DAPK2: variants seen among roughly 807,000 people sequenced by gnomAD.
DAPK2 encodes death associated protein kinase 2, also known as death-associated protein kinase 2.
A neutral mutation model predicts 44.1 loss-of-function variants in DAPK2; 35 were observed. The observed-to-expected ratio is 0.79, with a 90% confidence interval of 0.61 to 1.05. DAPK2 has a LOEUF of 1.05. Ranked by LOEUF, DAPK2 falls within the 50% of genes least tolerant of loss-of-function variation. The probability of loss-of-function intolerance (pLI) is 0.00; values close to 1 mark genes in which losing one functional copy is unlikely to be tolerated. For missense variants in DAPK2, 453 were observed against 483.2 expected, an observed-to-expected ratio of 0.94 and a Z score of 0.59; for synonymous variants, 174 against 182.6, an observed-to-expected ratio of 0.95 and a Z score of 0.38.
chr15:64,042,793 G>T (rs968654), upstream of DAPK2, among the ~76,000 whole-genome samples: 29,953 of 152,128 alleles, frequency 0.2, 3,044 homozygotes, highest in South Asian at 0.25. This position sits in a 1 kb window ranked among gnomAD's most constrained non-coding sequence, Gnocchi z 4.7. Context: ...CCTTGCCAGG[G>T]GAGGCCCAGC....
In DAPK2 at chr15:63,939,279, T is replaced by A; in HGVS notation, c.536A>T (p.Glu179Val). ...AATATTCTTAAATTCAACTCCATCT[T>A]CTATTTCGTGAGCCAGACCAAAGTC... Residue 179 changes from glutamate to valine, a missense_variant, in exon 4 of 11, where the codon GAA (glutamate) becomes GTA (valine). Glu to Val is a moderately radical substitution (Grantham distance 121, BLOSUM62 -2). Transcript: ENST00000261891. This position sits in a 1 kb window ranked among gnomAD's most constrained non-coding sequence, Gnocchi z 4.3. 1 of 1,614,018 alleles carries A rather than the reference T, an allele frequency of 6.2e-7. No individual in the cohort carries two copies. Among genetic ancestry groups the A allele is most frequent in the Admixed American group, 1.7e-5 (1 of 60,018 alleles).
At chr15:64,003,491 C>G (rs550465818) in intron 1 of DAPK2, among the ~76,000 whole-genome samples, 4 of 152,360 alleles carry the variant, frequency 2.6e-5, no homozygotes, top group African/African-American at 9.6e-5. Context: ...TACTTCTTTG[C>G]TGACCCATGG....
rs2146485205 is a variant in DAPK2, at chr15:63,912,506, G to A, written c.859-309C>T. On this transcript the variant is annotated intron_variant, in intron 8 of 10. Transcript: ENST00000261891. This position sits in a 1 kb window ranked among gnomAD's most constrained non-coding sequence, Gnocchi z 4.4. ...CCCTCCAATCGCACATCACTTTGGG[G>A]AGAGGGTCATTTTACAGCAGTCTGG... 6.6e-6 allele frequency among the ~76,000 whole-genome samples: 1 copy of A among 152,372 alleles called. No individual in the cohort carries two copies.
chr15:63,959,410 A>G (rs1269771313), intron 3 of DAPK2, among the ~76,000 whole-genome samples: 1 of 152,188 alleles, frequency 6.6e-6, no homozygotes, highest in African/African-American at 2.4e-5. Context: ...GAGTGGTGAG[A>G]GAGGGCATTC....
chr15:63,977,835 A>T (rs886745121), intron 2 of DAPK2, among the ~76,000 whole-genome samples: 4 of 152,208 alleles, frequency 2.6e-5, no homozygotes, highest in African/African-American at 9.6e-5. Context: ...ACCAGGATTT[A>T]GACCCAGATT....
chr15:63,956,785 C>T (rs2140579684), intron 3 of DAPK2, among the ~76,000 whole-genome samples: 1 of 152,234 alleles, frequency 6.6e-6, no homozygotes, highest in South Asian at 2.1e-4. Flanking sequence ...GATGGGGTTT[C>T]ACCATGTTAG....
At chr15:63,938,213 C>T (rs1484597289) in intron 4 of DAPK2, among the ~76,000 whole-genome samples, 3 of 152,210 alleles carry the variant, frequency 2.0e-5, no homozygotes, top group African/African-American at 7.2e-5. Flanking sequence ...AGAGCACAGG[C>T]TTTGCTGTTG....
In DAPK2 at chr15:63,973,526, AT is replaced by A. The variant is rs1421107570; in HGVS notation, c.315-1966del. ...TATCCTCTGCCTGTCCCACCATCAT[AT>A]TTTGTAACACGACATGTTTGATGTC... On this transcript the variant is annotated intron_variant, in intron 2 of 10. Transcript: ENST00000261891. 9.2e-5 allele frequency among the ~76,000 whole-genome samples: 14 copies of A among 152,272 alleles called. No individual in the cohort carries two copies. The East Asian group carries it at 2.5e-3, about 27-fold the overall frequency.
At chr15:63,955,005 C>A (rs9920089) in intron 3 of DAPK2, among the ~76,000 whole-genome samples, 143,326 of 152,310 alleles carry the variant, frequency 0.94, 67,575 homozygotes, top group East Asian at 1. Context: ...TTGATTTTGT[C>A]TCCTGCAACT....
At chr15:63,964,151 C>A (rs937196277) in intron 3 of DAPK2, among the ~76,000 whole-genome samples, 1 of 152,156 alleles carries the variant, frequency 6.6e-6, no homozygotes, top group Non-Finnish European at 1.5e-5. Context: ...TTGATGACAT[C>A]CTCAGATTTT....
At chr15:63,925,291 A>T (rs759693646) in intron 7 of DAPK2, among the ~76,000 whole-genome samples, 2 of 152,042 alleles carry the variant, frequency 1.3e-5, no homozygotes, top group African/African-American at 4.8e-5. Context: ...AGACAGGAAA[A>T]TCAGGGCCCT....
chr15:63,946,907 C>T lies in DAPK2; in HGVS notation c.454-7546G>A, dbSNP rs182811221. Among the ~76,000 whole-genome samples, 936 of 152,294 alleles carry T rather than the reference C, an allele frequency of 6.1e-3. 8 individuals carry two copies. The highest frequency in any genetic ancestry group is 8.2e-3 in the Non-Finnish European group (558 of 68,016). ...GCTGGGCAACCTGAGAAAGGAAGGCCGCTCCATGCTAGGCCTCTGTGGACA... is the reference window on the plus strand; with the variant it reads ...GCTGGGCAACCTGAGAAAGGAAGGCTGCTCCATGCTAGGCCTCTGTGGACA... On this transcript the variant is annotated intron_variant, in intron 3 of 10. Transcript: ENST00000261891.
chr15:64,015,287 G>A (rs552579656), intron 1 of DAPK2, among the ~76,000 whole-genome samples: 13 of 150,926 alleles, frequency 8.6e-5, no homozygotes, highest in East Asian at 1.9e-4. Context: ...CCACTCTGAC[G>A]TTCAAAAGTA....
chr15:64,037,696 C>G (rs556972277), intron 1 of DAPK2, among the ~76,000 whole-genome samples: 58 of 152,324 alleles, frequency 3.8e-4, no homozygotes, highest in African/African-American at 1.3e-3. Context: ...AAAGGCAGCT[C>G]TAGTTCTAGC....
chr15:63,910,065 T>C (rs1211641605), intron 10 of DAPK2, among the ~76,000 whole-genome samples: 4 of 152,218 alleles, frequency 2.6e-5, no homozygotes, highest in African/African-American at 4.8e-5. Flanking sequence ...AGCAACTTTT[T>C]AGCTTGAGTC....
intron 3 of DAPK2, among the ~76,000 whole-genome samples, chr15:63,964,178 C>G (rs1023022354): frequency 3.9e-5 from 6 of 152,078 alleles, no homozygotes; most frequent in Non-Finnish European, 5.9e-5. Flanking sequence ...CTGGGAAAGT[C>G]TTTATTTCTC....
intron 1 of DAPK2, among the ~76,000 whole-genome samples, chr15:64,014,099 C>T (rs893544553): frequency 6.6e-6 from 1 of 152,190 alleles, no homozygotes; most frequent in Admixed American, 6.5e-5. Context: ...CTTCACCTAC[C>T]CACGGAGAAC....
At chr15:64,017,540 C>G (rs1410215830) in intron 1 of DAPK2, among the ~76,000 whole-genome samples, 1 of 152,256 alleles carries the variant, frequency 6.6e-6, no homozygotes, top group Admixed American at 6.5e-5. Context: ...CAGGTCCACA[C>G]CTTAACAGGT....
chr15:63,937,964 C>T (rs956132086), intron 4 of DAPK2, among the ~76,000 whole-genome samples: 3 of 152,184 alleles, frequency 2.0e-5, no homozygotes, highest in African/African-American at 7.2e-5. Context: ...GGCTCCTTAA[C>T]ATCGCTGTGT....
Sources: allele counts gnomAD v4.1 joint callset (sites outside exome capture counted in the v4.1 genomes callset), GRCh38; gene constraint gnomAD v4.1.1; non-coding constraint Gnocchi (gnomAD v3.1); transcripts MANE v1.5; gene names NCBI Gene and HGNC (gene_info 2026-07-23, HGNC 2026-07-21).